Variants in PRKN observed in about 807,000 individuals in gnomAD.
PRKN encodes parkin RBR E3 ubiquitin protein ligase.
In PRKN, 56 loss-of-function variants were observed where a neutral mutation model predicts 59.5. The ratio of observed to expected loss-of-function variants is 0.94; its 90% CI spans 0.76 to 1.18. The LOEUF is 1.18. Ranked by LOEUF, PRKN falls within the 50% of genes most tolerant of loss-of-function variation. The pLI, the probability that PRKN is intolerant of heterozygous loss-of-function variation, is 0.00. For missense variants in PRKN, 657 were observed against 596.4 expected, an observed-to-expected ratio of 1.10 and a Z score of -1.06; for synonymous variants, 250 against 222.1, an observed-to-expected ratio of 1.13 and a Z score of -1.12.
intron 6 of PRKN, among the ~76,000 whole-genome samples, chr6:161,823,321 T>C (rs908563269): frequency 6.6e-6 from 1 of 152,122 alleles, no homozygotes; most frequent in African/African-American, 2.4e-5. Flanking sequence ...ATGAAATAAA[T>C]TCCATTCATT....
Position 161,429,907 on chromosome 6 carries a change from T to G in PRKN, c.1084-43030A>C, listed in dbSNP as rs541965956. On this transcript the variant is annotated intron_variant, in intron 9 of 11. Transcript: ENST00000366898. This position sits in a 1 kb window ranked among gnomAD's most constrained non-coding sequence, Gnocchi z 4.2. ...CAAGCTAACAAGTTAGTCTGCTCAGTTTTACGGAGGCCAGGAGAAGACCAG... is the reference window on the plus strand; with the variant it reads ...CAAGCTAACAAGTTAGTCTGCTCAGGTTTACGGAGGCCAGGAGAAGACCAG... 6.6e-6 allele frequency among the ~76,000 whole-genome samples: 1 copy of G among 152,234 alleles called. No individual in the cohort carries two copies. Among genetic ancestry groups the G allele is most frequent in the Non-Finnish European group, 1.5e-5 (1 of 68,016 alleles).
chr6:161,532,141 ACTCTCTCT>A (rs773618878), intron 9 of PRKN, among the ~76,000 whole-genome samples: 2 of 134,418 alleles, frequency 1.5e-5, no homozygotes, highest in Non-Finnish European at 3.1e-5. Flanking sequence ...TCTGTCTTGC[ACTCTCTCT>A]CTCTCTCTCT....
intron 2 of PRKN, among the ~76,000 whole-genome samples, chr6:162,314,526 C>T (rs1013044912): frequency 3.3e-5 from 5 of 152,022 alleles, no homozygotes; most frequent in African/African-American, 7.2e-5. Context: ...AGCTAAAGAC[C>T]GTGGGCACAT....
chr6:162,297,145 T>A (rs140787481), intron 2 of PRKN, among the ~76,000 whole-genome samples: 1 of 151,854 alleles, frequency 6.6e-6, no homozygotes, highest in Non-Finnish European at 1.5e-5. Flanking sequence ...TGCTTAGCTC[T>A]GCTAATCAGA....
chr6:162,444,227 G>C lies in PRKN; in HGVS notation c.8-754C>G, dbSNP rs185885950. On this transcript the variant is annotated intron_variant, in intron 1 of 11. Transcript: ENST00000366898. ...TCTTTCTCTCACTGCTTGAAGTCAC[G>C]CTCTCATCACATCTTTTCTAGAGTC... Among the ~76,000 whole-genome samples, 314 of 151,898 alleles carry C rather than the reference G, an allele frequency of 2.1e-3. 1 individual carries two copies. The highest frequency in any genetic ancestry group is 6.7e-3 in the African/African-American group (277 of 41,386).
chr6:162,019,346 T>C (rs1450277212), intron 5 of PRKN, among the ~76,000 whole-genome samples: 1 of 152,126 alleles, frequency 6.6e-6, no homozygotes, highest in African/African-American at 2.4e-5. Flanking sequence ...CAGAACCATG[T>C]AAGACATGGG....
chr6:161,370,009 T>G, intron 10 of PRKN: 1 of 443,794 alleles, frequency 2.3e-6, no homozygotes. Flanking sequence ...TTTTCTATGA[T>G]CACCACCATT....
At chr6:161,933,215 G>A (rs889541424) in intron 6 of PRKN, among the ~76,000 whole-genome samples, 4 of 152,136 alleles carry the variant, frequency 2.6e-5, no homozygotes, top group Admixed American at 2.0e-4. Flanking sequence ...GGGAGGCAGA[G>A]GCAGCAATAA....
At chr6:162,420,092 GA>G (rs1238303454) in intron 2 of PRKN, among the ~76,000 whole-genome samples, 1 of 151,908 alleles carries the variant, frequency 6.6e-6, no homozygotes, top group African/African-American at 2.4e-5. Flanking sequence ...ATATATAATG[GA>G]ATAATTATAC....
chr6:161,725,569 T>C (rs867443415), intron 7 of PRKN, among the ~76,000 whole-genome samples: 1 of 152,174 alleles, frequency 6.6e-6, no homozygotes, highest in Non-Finnish European at 1.5e-5. Context: ...TCACAAAGCA[T>C]CCCTTCTAGT....
At chr6:161,962,894 C>T (rs528257963) in intron 6 of PRKN, among the ~76,000 whole-genome samples, 10 of 151,862 alleles carry the variant, frequency 6.6e-5, no homozygotes, top group Non-Finnish European at 1.3e-4. Flanking sequence ...CCTGTAATCC[C>T]AGCAATTTGG....
intron 6 of PRKN, among the ~76,000 whole-genome samples, chr6:161,951,015 AT>A (rs372714967): frequency 5.0e-5 from 5 of 100,658 alleles, no homozygotes; most frequent in East Asian, 2.6e-4. Flanking sequence ...ATAAATTATA[AT>A]TTTTTTTTAC....
chr6:162,547,890 T>C (rs947077754), intron 1 of PRKN, among the ~76,000 whole-genome samples: 2 of 149,356 alleles, frequency 1.3e-5, no homozygotes, highest in Non-Finnish European at 3.0e-5. Flanking sequence ...CCAACAGTTA[T>C]TAACAGGGCC....
chr6:161,726,992 G>A (rs1180938435), intron 7 of PRKN, among the ~76,000 whole-genome samples: 3 of 152,156 alleles, frequency 2.0e-5, no homozygotes, highest in African/African-American at 7.2e-5. Context: ...ACAGGGGAAA[G>A]ACCCTGACTT....
chr6:162,028,932 C>G (rs975943956), intron 5 of PRKN, among the ~76,000 whole-genome samples: 1 of 152,182 alleles, frequency 6.6e-6, no homozygotes, highest in Non-Finnish European at 1.5e-5. Flanking sequence ...ATTTCCTGAG[C>G]TCTTTGGAGA....
intron 2 of PRKN, among the ~76,000 whole-genome samples, chr6:162,291,983 G>A (rs1042020065): frequency 2.2e-5 from 3 of 139,126 alleles, no homozygotes; most frequent in Non-Finnish European, 4.6e-5. Context: ...TTTTTTCTGA[G>A]ACGGACTTTC....
At chr6:162,599,293 G>A (rs542157364) in intron 1 of PRKN, among the ~76,000 whole-genome samples, 4 of 152,170 alleles carry the variant, frequency 2.6e-5, no homozygotes, top group South Asian at 4.1e-4. Flanking sequence ...GGCTAGTCCC[G>A]GCAACCAGTA....
chr6:162,668,392 TC>T (rs1160438812), intron 1 of PRKN, among the ~76,000 whole-genome samples: 2 of 152,204 alleles, frequency 1.3e-5, no homozygotes, highest in Non-Finnish European at 2.9e-5. Context: ...CAGAACCATG[TC>T]ACCTCAGGAG....
intron 7 of PRKN, among the ~76,000 whole-genome samples, chr6:161,694,600 C>T (rs1785938397): frequency 6.6e-6 from 1 of 152,086 alleles, no homozygotes; most frequent in African/African-American, 2.4e-5. Context: ...ACATCATGTC[C>T]ATTACATCCC....
Sources: allele counts gnomAD v4.1 joint callset (sites outside exome capture counted in the v4.1 genomes callset), GRCh38; gene constraint gnomAD v4.1.1; non-coding constraint Gnocchi (gnomAD v3.1); transcripts MANE v1.5; gene names NCBI Gene and HGNC (gene_info 2026-07-23, HGNC 2026-07-21).